The following SYN2 variants were observed in gnomAD, a reference collection of about 807,000 sequenced individuals.
SYN2 encodes the protein synapsin-2.
A neutral mutation model predicts 50.9 loss-of-function variants in SYN2; 19 were observed. That is an observed-to-expected ratio of 0.37 (90% CI 0.26 to 0.55). The LOEUF is 0.55. Among genes scored for constraint, SYN2 ranks in the 20% least tolerant of loss-of-function variants. The pLI is 0.81. For synonymous variants in SYN2, 255 were observed against 224.9 expected (o/e 1.13, Z -1.20); for missense variants, 587 against 576.4 (o/e 1.02, Z -0.19).
intron 1 of SYN2, among the ~76,000 whole-genome samples, chr3:12,067,762 T>C (rs980850278): frequency 1.8e-4 from 27 of 152,222 alleles, no homozygotes; most frequent in Admixed American, 3.9e-4. Flanking sequence ...ATTTTTAAAA[T>C]TAAAATTTGA....
At chr3:12,150,449 T>G (rs2125224205) in intron 4 of SYN2, among the ~76,000 whole-genome samples, 1 of 152,336 alleles carries the variant, frequency 6.6e-6, no homozygotes, top group South Asian at 2.1e-4. Context: ...ACTGTGTGAC[T>G]TTGGGCAAGT....
At chr3:12,116,912 G>A (rs542175069) in intron 1 of SYN2, among the ~76,000 whole-genome samples, 1 of 152,164 alleles carries the variant, frequency 6.6e-6, no homozygotes, top group East Asian at 1.9e-4. Context: ...ACCATGCCCA[G>A]CTAATTTTTT....
At chr3:12,163,798 C>T (rs375940183) in intron 7 of SYN2, among the ~76,000 whole-genome samples, 1 of 152,126 alleles carries the variant, frequency 6.6e-6, no homozygotes, top group African/African-American at 2.4e-5. Flanking sequence ...GCAATGTGGC[C>T]AGGTGTGGTG....
At chr3:12,168,008 C>T (rs7644513) in intron 8 of SYN2, among the ~76,000 whole-genome samples, 17,360 of 152,052 alleles carry the variant, frequency 0.11, 2,041 homozygotes, top group African/African-American at 0.3. Context: ...GCCTAGAGTA[C>T]CTGGTGGAAG....
At position 12,058,615 on chromosome 3, in the gene SYN2, T is replaced by TA. The variant is rs1367156266; in HGVS notation, c.377+53691dup. 2.0e-5 allele frequency among the ~76,000 whole-genome samples: 3 copies of TA among 152,236 alleles called. No homozygotes were observed. The East Asian group carries it at 5.8e-4, about 29-fold the overall frequency. On this transcript the variant is annotated intron_variant, in intron 1 of 12. Transcript: ENST00000621198. ...AGTGGACCCAGTGAATAAATCAAGA[T>TA]AAAATCACTGGGGAAGGGGAATATG...
intron 1 of SYN2, among the ~76,000 whole-genome samples, chr3:12,133,117 A>G (rs1025104472): frequency 1.3e-5 from 2 of 152,204 alleles, no homozygotes; most frequent in Admixed American, 6.5e-5. Context: ...TCTCTTCCAC[A>G]TCATTTATAT....
At chr3:12,129,306 A>G (rs1192710917) in intron 1 of SYN2, among the ~76,000 whole-genome samples, 4 of 152,182 alleles carry the variant, frequency 2.6e-5, no homozygotes, top group African/African-American at 9.6e-5. Context: ...GAGGACAGAT[A>G]ATGTTTCAGG....
chr3:12,138,740 C>G (rs1407373914), intron 1 of SYN2, among the ~76,000 whole-genome samples: 5 of 152,180 alleles, frequency 3.3e-5, no homozygotes, highest in African/African-American at 9.7e-5. Flanking sequence ...CTGAGATTTA[C>G]CTCACAGAAG....
Position 12,190,589 on chromosome 3 carries a change from C to G in SYN2, c.1713C>G (p.Ser571Arg). 1 of 1,613,188 alleles carries G rather than the reference C, an allele frequency of 6.2e-7. No homozygotes were observed. Among genetic ancestry groups the G allele is most frequent in the Non-Finnish European group, 8.5e-7 (1 of 1,179,490 alleles). ...EDEAKAETIR[S>R]LRKSFASLFS... ...AAGCCAAAGCAGAGACCATCCGGAG[C>G]TTGAGGAAGTCCTTTGCCAGCCTCT... Residue 571 changes from serine (S) to arginine (R), a missense_variant, in exon 13 of 13, where the codon AGC becomes AGG. Transcript: ENST00000621198.
intron 1 of SYN2, among the ~76,000 whole-genome samples, chr3:12,079,727 G>A (rs1057456295): frequency 6.6e-6 from 1 of 152,058 alleles, no homozygotes; most frequent in Non-Finnish European, 1.5e-5. Context: ...GAGAATTTTT[G>A]CATCGATGTT....
intron 1 of SYN2, among the ~76,000 whole-genome samples, chr3:12,026,061 A>G (rs973634258): frequency 2.0e-5 from 3 of 152,132 alleles, no homozygotes; most frequent in Admixed American, 2.0e-4. Flanking sequence ...TGAATACCAC[A>G]TTTTCCTTGT....
At chr3:12,134,217 C>T (rs1429497023) in intron 1 of SYN2, among the ~76,000 whole-genome samples, 1 of 152,068 alleles carries the variant, frequency 6.6e-6, no homozygotes, top group African/African-American at 2.4e-5. Context: ...AAACCGTAGT[C>T]TCAACAACAA....
intron 1 of SYN2, among the ~76,000 whole-genome samples, chr3:12,112,574 G>A (rs1696346323): frequency 6.6e-6 from 1 of 152,116 alleles, no homozygotes; most frequent in South Asian, 2.1e-4. Context: ...ATTTGGCAGT[G>A]TGCAAAATAT....
intron 3 of SYN2, among the ~76,000 whole-genome samples, chr3:12,144,260 T>C (rs1487390130): frequency 6.6e-6 from 1 of 152,208 alleles, no homozygotes; most frequent in African/African-American, 2.4e-5. Context: ...GGGCTTCCTG[T>C]AGCCATTGCT....
chr3:12,058,111 T>C (rs575902046), intron 1 of SYN2, among the ~76,000 whole-genome samples: 2 of 152,236 alleles, frequency 1.3e-5, no homozygotes, highest in Admixed American at 6.5e-5. Flanking sequence ...GTTTCTTACC[T>C]ACAATGTCTA....
chr3:12,145,509 CT>C (rs1697125761), intron 3 of SYN2, among the ~76,000 whole-genome samples, 169 bp from the exon 4 acceptor site: 1 of 152,234 alleles, frequency 6.6e-6, no homozygotes, highest in Non-Finnish European at 1.5e-5. Flanking sequence ...GCACTTCAGC[CT>C]GGGCAACAGA....
chr3:12,070,274 A>C, intron 1 of SYN2: 1 of 482,692 alleles, frequency 2.1e-6, no homozygotes, highest in South Asian at 1.7e-5. Flanking sequence ...TCCGGCATGT[A>C]CAAAGCTGGA....
chr3:12,051,128 C>A (rs966143745), intron 1 of SYN2, among the ~76,000 whole-genome samples: 2 of 152,104 alleles, frequency 1.3e-5, no homozygotes, highest in Non-Finnish European at 2.9e-5. Flanking sequence ...TTAGAAAATT[C>A]TGGATAAGAA....
intron 1 of SYN2, among the ~76,000 whole-genome samples, 197 bp from the exon 2 acceptor site, chr3:12,140,454 G>A (rs1422285050): frequency 5.3e-5 from 8 of 152,208 alleles, no homozygotes. Context: ...TTATTTTATA[G>A]ATGGGTAAAT....
Sources: gnomAD v4.1 joint callset for allele counts (sites outside exome capture counted in the v4.1 genomes callset) on GRCh38, gnomAD v4.1.1 for gene constraint, MANE v1.5 for transcripts, NCBI Gene and HGNC (gene_info 2026-07-23, HGNC 2026-07-21) for gene names.